The following SEMA4D variants were observed in gnomAD, a reference collection of about 807,000 sequenced individuals.
SEMA4D encodes semaphorin-4D.
A neutral mutation model predicts 74.8 loss-of-function variants in SEMA4D; 22 were observed. That is an observed-to-expected ratio of 0.29 (90% confidence interval 0.21 to 0.42). The LOEUF (loss-of-function observed/expected upper bound fraction) is 0.42. Among genes scored for constraint, SEMA4D ranks in the 10% least tolerant of loss-of-function variants. The pLI is 1.00. For missense variants in SEMA4D, 937 were observed against 1,118.4 expected (o/e 0.84, Z 2.31); for synonymous variants, 445 against 463.7 (o/e 0.96, Z 0.52).
intron 2 of SEMA4D, chr9:89,450,319 A>G (rs940364163): frequency 4.8e-5 from 44 of 921,700 alleles, no homozygotes; most frequent in Non-Finnish European, 7.5e-5. Context: ...CCCTCCAAAC[A>G]GTATGGACTG....
chr9:89,399,399 C>T, intron 4 of SEMA4D, 61 bp from the exon 5 acceptor site: 2 of 1,255,262 alleles, frequency 1.6e-6, no homozygotes, highest in Non-Finnish European at 1.2e-6. Context: ...TATAAAAATG[C>T]ACAATTTTAA....
downstream of SEMA4D, chr9:89,376,721 TAAGG>T (rs1411043191): frequency 7.2e-7 from 1 of 1,397,426 alleles, no homozygotes; most frequent in Non-Finnish European, 9.6e-7. Flanking sequence ...CCAGGACAGA[TAAGG>T]AAGGTAAAGG....
At chr9:89,428,028 G>A (rs533290469) in intron 2 of SEMA4D, among the ~76,000 whole-genome samples, 1 of 152,212 alleles carries the variant, frequency 6.6e-6, no homozygotes, top group Admixed American at 6.5e-5. Context: ...GCCCTGAGGG[G>A]TGGACTCTGC....
At chr9:89,413,104 T>C (rs1306441328) in intron 2 of SEMA4D, among the ~76,000 whole-genome samples, 1 of 152,092 alleles carries the variant, frequency 6.6e-6, no homozygotes, top group African/African-American at 2.4e-5. Flanking sequence ...GCATGTGCAT[T>C]TTGCCCTGAC....
chr9:89,398,674 C>G (rs1841539085), intron 5 of SEMA4D, among the ~76,000 whole-genome samples: 1 of 152,182 alleles, frequency 6.6e-6, no homozygotes, highest in South Asian at 2.1e-4. Flanking sequence ...TGTAACGCAC[C>G]CTCTGGGGCT....
chr9:89,434,842 G>C (rs918803066), intron 2 of SEMA4D, among the ~76,000 whole-genome samples: 5 of 152,208 alleles, frequency 3.3e-5, no homozygotes, highest in Admixed American at 3.3e-4. Flanking sequence ...GGAATGTAGA[G>C]GGGAGGCAGG....
At chr9:89,443,265 G>A (rs1165241062) in intron 2 of SEMA4D, among the ~76,000 whole-genome samples, 1 of 152,184 alleles carries the variant, frequency 6.6e-6, no homozygotes, top group African/African-American at 2.4e-5. Flanking sequence ...AAGAACGGAT[G>A]CCAGTGCTCA....
In SEMA4D at chr9:89,461,700, C is replaced by CTCTCTTTTTTTTTT. The variant is rs71281350; in HGVS notation, c.-309-5748_-309-5747insAAAAAAAAAAGAGA. 7.7e-5 allele frequency among the ~76,000 whole-genome samples: 8 copies of CTCTCTTTTTTTTTT among 103,646 alleles called. 1 individual carries two copies. The highest frequency in any genetic ancestry group is 1.3e-4 in the Non-Finnish European group (7 of 52,260). The allele number at this position is 103,646 out of a possible 152,430, so 68.0% of individuals were successfully genotyped here. On this transcript the variant is annotated intron_variant, in intron 1 of 15. Coordinates refer to ENST00000422704, the MANE Select transcript of SEMA4D (RefSeq NM_001371194.2). ...GGGCCAATGTGTATTTCTTTTTTCT[C>CTCTCTTTTTTTTTT]TTTTTTTTTTTTTTTTTTTGGAGAC... is the stretch of plus-strand genomic sequence containing the variant.
intron 2 of SEMA4D, among the ~76,000 whole-genome samples, chr9:89,432,079 G>C (rs999944522): frequency 6.6e-6 from 1 of 151,980 alleles, no homozygotes; most frequent in African/African-American, 2.4e-5. Flanking sequence ...TGGCACAGGA[G>C]CCTGGTGGCC....
At chr9:89,375,503 CTTG>C (rs1427205705), downstream of SEMA4D, among the ~76,000 whole-genome samples, 1 of 152,210 alleles carries the variant, frequency 6.6e-6, no homozygotes, top group Non-Finnish European at 1.5e-5. Flanking sequence ...GCTCTCAGAG[CTTG>C]TTTAACAGGA....
intron 2 of SEMA4D, among the ~76,000 whole-genome samples, chr9:89,412,799 G>A (rs1346382755): frequency 6.6e-6 from 1 of 152,138 alleles, no homozygotes; most frequent in Non-Finnish European, 1.5e-5. Flanking sequence ...GGAGGGGGAG[G>A]GGGCTGCACA....
chr9:89,470,611 T>C (rs1019210764), intron 1 of SEMA4D, among the ~76,000 whole-genome samples: 4 of 152,190 alleles, frequency 2.6e-5, no homozygotes, highest in African/African-American at 7.2e-5. Flanking sequence ...ATCCCACTTC[T>C]GGACATTTAT....
At position 89,363,489 on chromosome 9, in the gene SEMA4D, C is replaced by CA; in HGVS notation, c.2130dup (p.Ala711CysfsTer24). The stretch of plus-strand genomic sequence containing the variant: ...TGCTCCCCAGCCACAGCCCTCCAGG[C>CA]AGAGAGCTCTCTGGTCCACCTCTCC... On this transcript the variant is annotated frameshift_variant, in exon 18 of 19. Transcript: ENST00000339861. LOFTEE classifies it high-confidence loss of function. 3.1e-6 allele frequency: 5 copies of CA among 1,614,112 alleles called. No homozygotes were observed. The highest frequency in any genetic ancestry group is 4.2e-6 in the Non-Finnish European group (5 of 1,180,026).
Position 89,386,451 on chromosome 9 carries a change from G to A in SEMA4D, c.1362C>T (p.Leu454=), listed in dbSNP as rs1838526542. 6.8e-6 allele frequency: 11 copies of A among 1,614,056 alleles called. No individual in the cohort carries two copies. The highest frequency in any genetic ancestry group is 6.7e-5 in the East Asian group (3 of 44,872). ...CCTCGATGATGTGAACAGCGTGCTC[G>A]AGGCTGATGGCTTTGTGCAGAGCTC... ...DRGALHKAIS[L]EHAVHIIEET... Residue 454 remains leucine (L), a synonymous_variant, in exon 13 of 16, where the codon CTC becomes CTT. Transcript: ENST00000422704.
At chr9:89,451,849 T>C (rs59614351) in intron 2 of SEMA4D, among the ~76,000 whole-genome samples, 2,472 of 152,352 alleles carry the variant, frequency 0.016, 71 homozygotes, top group African/African-American at 0.056. Context: ...CTGCATGTCA[T>C]GCACGCAGGT....
At chr9:89,386,622 T>A in intron 12 of SEMA4D, 140 bp from the exon 13 acceptor site, 6 of 593,810 alleles carry the variant, frequency 1.0e-5, no homozygotes, top group Admixed American at 3.3e-5. Context: ...TGATTTCGCA[T>A]TAGAAACAAA....
chr9:89,405,233 C>A, intron 3 of SEMA4D, 118 bp downstream of exon 3: 1 of 827,398 alleles, frequency 1.2e-6, no homozygotes, highest in Non-Finnish European at 2.0e-6. Context: ...CCCAGCCACC[C>A]GCCTCAGCAT....
At chr9:89,470,012 C>G (rs1341342697) in intron 1 of SEMA4D, among the ~76,000 whole-genome samples, 1 of 152,194 alleles carries the variant, frequency 6.6e-6, no homozygotes, top group Non-Finnish European at 1.5e-5. Flanking sequence ...CCAAGGATTT[C>G]TTTTTGTACA....
At chr9:89,376,711 C>A, downstream of SEMA4D, 1 of 1,378,804 alleles carries the variant, frequency 7.3e-7, no homozygotes. Flanking sequence ...AGGGACGCAG[C>A]CAGGACAGAT....
Sources: allele counts gnomAD v4.1 joint callset (sites outside exome capture counted in the v4.1 genomes callset), GRCh38; gene constraint gnomAD v4.1.1; transcripts MANE v1.5; gene names NCBI Gene and HGNC (gene_info 2026-07-23, HGNC 2026-07-21).